SEMA6D: variants seen among roughly 807,000 people sequenced by gnomAD.
The protein encoded by SEMA6D is semaphorin 6D.
In SEMA6D, 35 loss-of-function variants were observed where a neutral mutation model predicts 106.6. That is an observed-to-expected ratio of 0.33 (90% CI 0.25 to 0.44). The LOEUF is 0.44. SEMA6D is among the 20% of genes least tolerant of loss of function. The probability of loss-of-function intolerance (pLI) is 1.00; values close to 1 mark genes in which losing one functional copy is unlikely to be tolerated. For synonymous variants in SEMA6D, 499 were observed against 487.7 expected (o/e 1.02, Z -0.31); for missense variants, 1,185 against 1,345.9 (o/e 0.88, Z 1.87).
chr15:47,663,979 A>C (rs909131168), intron 4 of SEMA6D, among the ~76,000 whole-genome samples: 1 of 152,222 alleles, frequency 6.6e-6, no homozygotes, highest in Non-Finnish European at 1.5e-5. Flanking sequence ...TTTTACTACC[A>C]GACTTCATCG....
At chr15:47,741,884 G>C (rs2080842180) in intron 1 of SEMA6D, among the ~76,000 whole-genome samples, 1 of 152,182 alleles carries the variant, frequency 6.6e-6, no homozygotes, top group Admixed American at 6.5e-5. Flanking sequence ...GAAGACAGGA[G>C]GTAGATGAGC....
chr15:47,553,964 A>G (rs2045842552), intron 3 of SEMA6D, among the ~76,000 whole-genome samples: 1 of 152,192 alleles, frequency 6.6e-6, no homozygotes, highest in South Asian at 2.1e-4. Context: ...GAGTGTGACT[A>G]CAGAAAAAAG....
At chr15:47,544,331 T>C (rs1426980511) in intron 3 of SEMA6D, among the ~76,000 whole-genome samples, 1 of 152,150 alleles carries the variant, frequency 6.6e-6, no homozygotes, top group Non-Finnish European at 1.5e-5. Context: ...GGGTTAACAC[T>C]AATACTCTTG....
At chr15:47,391,782 A>G (rs1211029520) in intron 1 of SEMA6D, among the ~76,000 whole-genome samples, 1 of 152,112 alleles carries the variant, frequency 6.6e-6, no homozygotes, top group African/African-American at 2.4e-5. Flanking sequence ...ATTAGAATAA[A>G]GGCTAGATTT....
At chr15:47,376,053 G>T (rs1485771044) in intron 1 of SEMA6D, among the ~76,000 whole-genome samples, 1 of 152,192 alleles carries the variant, frequency 6.6e-6, no homozygotes, top group Non-Finnish European at 1.5e-5. Context: ...AATGGAGCTA[G>T]CACTGTCTTC....
At chr15:47,348,139 C>T (rs1213144810) in intron 1 of SEMA6D, among the ~76,000 whole-genome samples, 1 of 152,200 alleles carries the variant, frequency 6.6e-6, no homozygotes, top group East Asian at 1.9e-4. Context: ...ATATTTGCCT[C>T]ATTCCTTACA....
rs368154943 is a variant in SEMA6D, at chr15:47,674,866, C to T, written c.-55+73970C>T. ...GAGGATTCACTGCGCATCCGAATCC[C>T]TTCCCCAGCAGAAGTGGGAATTCCT... On this transcript the variant is annotated intron_variant, in intron 4 of 19. Coordinates refer to the SEMA6D transcript ENST00000558014. Among the ~76,000 whole-genome samples, 349 of 152,280 alleles carry T rather than the reference C, an allele frequency of 2.3e-3. 1 individual carries two copies. The highest frequency in any genetic ancestry group is 7.9e-3 in the African/African-American group (330 of 41,544).
chr15:47,751,976 A>G (rs1195390152), intron 1 of SEMA6D, among the ~76,000 whole-genome samples: 3 of 152,202 alleles, frequency 2.0e-5, no homozygotes, highest in Non-Finnish European at 4.4e-5. Flanking sequence ...ATGACATGAC[A>G]TATTCCAGGG....
At chr15:47,635,271 T>C (rs926445501) in intron 4 of SEMA6D, among the ~76,000 whole-genome samples, 4 of 152,260 alleles carry the variant, frequency 2.6e-5, no homozygotes, top group African/African-American at 9.6e-5. Context: ...CAGGACAAGA[T>C]AGACAGTTTG....
chr15:47,343,808 T>G (rs1014553015), intron 1 of SEMA6D, among the ~76,000 whole-genome samples: 8 of 152,162 alleles, frequency 5.3e-5, no homozygotes, highest in Middle Eastern at 3.4e-3. Flanking sequence ...TATTTCTAGT[T>G]ATATGGGAGA....
intron 3 of SEMA6D, among the ~76,000 whole-genome samples, chr15:47,571,900 A>G (rs1359836398): frequency 6.6e-6 from 1 of 152,174 alleles, no homozygotes; most frequent in African/African-American, 2.4e-5. Context: ...AAACAAAGAG[A>G]TGATTTTTTC....
chr15:47,449,729 A>G (rs867950874), intron 2 of SEMA6D, among the ~76,000 whole-genome samples: 1 of 152,226 alleles, frequency 6.6e-6, no homozygotes, highest in East Asian at 1.9e-4. Flanking sequence ...CTTATCAGAC[A>G]TCCTGGTCTA....
chr15:47,615,594 A>G (rs2076992506), intron 4 of SEMA6D, among the ~76,000 whole-genome samples: 1 of 152,226 alleles, frequency 6.6e-6, no homozygotes, highest in Admixed American at 6.5e-5. Context: ...TGCAAAAAAA[A>G]TCCTTATCAA....
intron 4 of SEMA6D, among the ~76,000 whole-genome samples, chr15:47,699,149 C>G (rs1596673180): frequency 6.6e-6 from 1 of 152,174 alleles, no homozygotes; most frequent in African/African-American, 2.4e-5. Context: ...CCTATGCCAG[C>G]TTTTTAAAGG....
intron 1 of SEMA6D, among the ~76,000 whole-genome samples, chr15:47,723,837 A>G (rs1483619107): frequency 3.3e-5 from 5 of 152,212 alleles, no homozygotes; most frequent in South Asian, 2.1e-4. Context: ...TTAAAGCCCA[A>G]TATGTTGGTA....
chr15:47,706,748 A>G (rs2078919947), intron 4 of SEMA6D, among the ~76,000 whole-genome samples: 1 of 151,930 alleles, frequency 6.6e-6, no homozygotes, highest in Non-Finnish European at 1.5e-5. Context: ...TCCTCTAGAT[A>G]TTAGGAGAAC....
chr15:47,478,743 T>G (rs2043067592), intron 3 of SEMA6D, among the ~76,000 whole-genome samples: 1 of 152,288 alleles, frequency 6.6e-6, no homozygotes, highest in Admixed American at 6.5e-5. Context: ...TGTATTAGTC[T>G]GTTCTCAAGC....
At chr15:47,553,457 C>T (rs1331976044) in intron 3 of SEMA6D, among the ~76,000 whole-genome samples, 1 of 152,182 alleles carries the variant, frequency 6.6e-6, no homozygotes, top group African/African-American at 2.4e-5. Flanking sequence ...ATCAGCCTAT[C>T]ACCCTTTTCC....
chr15:47,458,581 G>A (rs1028218365), intron 2 of SEMA6D, among the ~76,000 whole-genome samples: 1 of 152,018 alleles, frequency 6.6e-6, no homozygotes, highest in Admixed American at 6.6e-5. Context: ...CCATGTATTA[G>A]GAAATGAAAT....
Sources: gnomAD v4.1 joint callset for allele counts (sites outside exome capture counted in the v4.1 genomes callset) on GRCh38, gnomAD v4.1.1 for gene constraint, MANE v1.5 for transcripts, NCBI Gene and HGNC (gene_info 2026-07-23, HGNC 2026-07-21) for gene names.